Variants in NAALADL2 observed in about 807,000 individuals in gnomAD.
The protein encoded by NAALADL2 is N-acetylated alpha-linked acidic dipeptidase like 2.
In NAALADL2, 76 loss-of-function variants were observed where a neutral mutation model predicts 87.2. That is an observed-to-expected ratio of 0.87 (90% CI 0.72 to 1.05). NAALADL2 has a LOEUF of 1.05. Ranked by LOEUF, NAALADL2 falls within the 50% of genes least tolerant of loss-of-function variation. The pLI is 0.00. For synonymous variants in NAALADL2, 354 were observed against 331.0 expected (o/e 1.07, Z -0.75); for missense variants, 1,089 against 945.8 (o/e 1.15, Z -1.99).
chr3:175,200,354 T>TTC (rs768479595), intron 2 of NAALADL2, among the ~76,000 whole-genome samples: 1 of 152,020 alleles, frequency 6.6e-6, no homozygotes, highest in Non-Finnish European at 1.5e-5. Flanking sequence ...GTTAACTAAT[T>TTC]TCTCTCTCTC....
At chr3:175,465,661 C>A (rs915988621) in intron 7 of NAALADL2, among the ~76,000 whole-genome samples, 1 of 151,834 alleles carries the variant, frequency 6.6e-6, no homozygotes, top group Non-Finnish European at 1.5e-5. Context: ...TTAGTAGAGA[C>A]GAGGTTTCAC....
chr3:175,536,306 G>A (rs913573847), intron 9 of NAALADL2, among the ~76,000 whole-genome samples: 2 of 152,056 alleles, frequency 1.3e-5, no homozygotes, highest in South Asian at 2.1e-4. Flanking sequence ...GTTAAACATC[G>A]GTTTAAATTT....
At chr3:175,368,824 G>A (rs1459132713) in intron 5 of NAALADL2, among the ~76,000 whole-genome samples, 2 of 151,932 alleles carry the variant, frequency 1.3e-5, no homozygotes, top group Admixed American at 6.6e-5. Context: ...AACACTGTAG[G>A]CAATTACAAT....
chr3:174,486,758 A>T (rs1239474954), intron 1 of NAALADL2, among the ~76,000 whole-genome samples: 1 of 151,904 alleles, frequency 6.6e-6, no homozygotes, highest in African/African-American at 2.4e-5. Flanking sequence ...TTTAAACTTG[A>T]CTATACAATA....
chr3:174,866,641 G>A (rs1211747032), intron 1 of NAALADL2, among the ~76,000 whole-genome samples: 2 of 151,670 alleles, frequency 1.3e-5, no homozygotes, highest in African/African-American at 4.8e-5. Flanking sequence ...TTAATGAAGG[G>A]TTCAGTGCAG....
intron 10 of NAALADL2, among the ~76,000 whole-genome samples, 185 bp from the exon 11 acceptor site, chr3:175,627,105 TG>T (rs555351637): frequency 8.6e-4 from 131 of 152,022 alleles, no homozygotes; most frequent in African/African-American, 3.0e-3. Flanking sequence ...CAAGTTGATG[TG>T]TCTGATCATT....
intron 1 of NAALADL2, among the ~76,000 whole-genome samples, chr3:174,938,254 T>C (rs901533485): frequency 5.3e-5 from 8 of 152,142 alleles, no homozygotes; most frequent in African/African-American, 1.9e-4. Context: ...TTAGCTCCCA[T>C]GTATAAGTGA....
intron 5 of NAALADL2, among the ~76,000 whole-genome samples, chr3:175,361,348 G>A (rs562320930): frequency 6.7e-6 from 1 of 148,180 alleles, no homozygotes; most frequent in African/African-American, 2.5e-5. Context: ...TGTCTTTATA[G>A]AAGCATGATG....
chr3:175,275,032 A>T (rs1753375087), intron 4 of NAALADL2, among the ~76,000 whole-genome samples: 1 of 152,284 alleles, frequency 6.6e-6, no homozygotes, highest in African/African-American at 2.4e-5. Context: ...TCACCTTATT[A>T]TCTGAATTGT....
intron 3 of NAALADL2, among the ~76,000 whole-genome samples, chr3:174,814,004 T>A (rs1404649429): frequency 6.6e-6 from 1 of 152,194 alleles, no homozygotes; most frequent in Non-Finnish European, 1.5e-5. Context: ...ATTATAATGA[T>A]ACGTATTTCA....
In NAALADL2 at chr3:175,808,070, A is replaced by C. The variant is rs1239489458; in HGVS notation, c.*4867A>C. The C allele has an allele frequency of 6.6e-6, 1 of 151,938 alleles. No homozygotes were observed. The highest frequency in any genetic ancestry group is 1.5e-5 in the Non-Finnish European group (1 of 67,908). The allele number at this position is 151,938 out of a possible 1,614,324, so 9.4% of individuals were successfully genotyped here. A position where few individuals can be genotyped will look rare whatever the true frequency, so the allele number is the denominator to read the frequency against. ...TTTTAAGATCTATCAGTCTCAATTT[A>C]AATGATCTGTTAATCAGCCAGAGTT... On this transcript the variant is annotated 3_prime_UTR_variant, in exon 14 of 14. Coordinates refer to ENST00000454872, the MANE Select transcript of NAALADL2 (RefSeq NM_207015.3).
intron 3 of NAALADL2, among the ~76,000 whole-genome samples, chr3:174,742,115 T>C (rs1054396894): frequency 4.6e-5 from 7 of 151,728 alleles, no homozygotes; most frequent in African/African-American, 1.2e-4. Context: ...ATAAAATATT[T>C]CTACCCTAGG....
chr3:175,649,898 TTAACTC>T (rs1257121574), intron 11 of NAALADL2, among the ~76,000 whole-genome samples: 43 of 152,074 alleles, frequency 2.8e-4, no homozygotes, highest in Non-Finnish European at 8.8e-5. Context: ...TTTTATATCT[TTAACTC>T]TAAAGAAAAA....
At chr3:175,795,537 G>T (rs1399788784) in intron 13 of NAALADL2, among the ~76,000 whole-genome samples, 1 of 147,930 alleles carries the variant, frequency 6.8e-6, no homozygotes, top group Non-Finnish European at 1.5e-5. Flanking sequence ...AAAAAAATTA[G>T]CTGGGCGTGG....
At chr3:175,397,382 T>A (rs1034280686) in intron 5 of NAALADL2, 4 of 152,124 alleles carry the variant, frequency 2.6e-5, no homozygotes, top group South Asian at 4.1e-4. Context: ...TAAATTTTTT[T>A]TTTGAGGTAC....
At chr3:175,280,495 T>C (rs567772206) in intron 4 of NAALADL2, among the ~76,000 whole-genome samples, 15 of 152,212 alleles carry the variant, frequency 9.9e-5, no homozygotes, top group African/African-American at 3.6e-4. Context: ...GAAATCCTAT[T>C]GCACCCTGCT....
chr3:175,533,989 C>G (rs1276996969), intron 9 of NAALADL2, among the ~76,000 whole-genome samples: 2 of 150,580 alleles, frequency 1.3e-5, no homozygotes, highest in East Asian at 3.9e-4. Context: ...AACTCCTTGC[C>G]TCTCATGAGC....
At position 175,376,713 on chromosome 3, in the gene NAALADL2, C is replaced by T. The variant is rs146107575; in HGVS notation, c.1090+52388C>T. Among the ~76,000 whole-genome samples, 6 of 152,100 alleles carry T rather than the reference C, an allele frequency of 3.9e-5. No individual in the cohort carries two copies. In the East Asian group the frequency reaches 7.7e-4, roughly 20 times the overall value. Reference sequence around the variant, plus strand: ...TTATACTCAAATATTTTTCTCCTTCCCCCATTTGAAAGTCTGGTACTAAGT... The same window carrying T: ...TTATACTCAAATATTTTTCTCCTTCTCCCATTTGAAAGTCTGGTACTAAGT... On this transcript the variant is annotated intron_variant, in intron 5 of 13. Transcript: ENST00000454872.
intron 2 of NAALADL2, among the ~76,000 whole-genome samples, chr3:175,171,145 T>G (rs998468765): frequency 5.9e-5 from 9 of 152,110 alleles, no homozygotes; most frequent in Non-Finnish European, 1.0e-4. Context: ...CCTTAAGAAC[T>G]CATACAACTC....
Sources: gnomAD v4.1 joint callset for allele counts (sites outside exome capture counted in the v4.1 genomes callset) on GRCh38, gnomAD v4.1.1 for gene constraint, MANE v1.5 for transcripts, NCBI Gene and HGNC (gene_info 2026-07-23, HGNC 2026-07-21) for gene names.